Variants in B3GALT1 observed in about 807,000 individuals in gnomAD.
B3GALT1 encodes beta-1,3-galactosyltransferase 1, also known as UDP-Gal:betaGlcNAc beta 1,3-galactosyltransferase, polypeptide 1.
Under a neutral mutation model 23.2 loss-of-function variants are expected in B3GALT1, and 10 were observed. That is an observed-to-expected ratio of 0.43 (90% CI 0.27 to 0.73). The LOEUF is 0.73. Ranked by LOEUF, B3GALT1 falls within the 30% of genes least tolerant of loss-of-function variation. The pLI, the probability that B3GALT1 is intolerant of heterozygous loss-of-function variation, is 0.21. For synonymous variants in B3GALT1, 156 were observed against 141.5 expected (o/e 1.10, Z -0.73); for missense variants, 299 against 405.4 (o/e 0.74, Z 2.25).
chr2:167,711,535 T>C (rs1687048427), intron 3 of B3GALT1, among the ~76,000 whole-genome samples: 1 of 152,240 alleles, frequency 6.6e-6, no homozygotes, highest in South Asian at 2.1e-4. Flanking sequence ...CTAAATGCTA[T>C]TCTGACTTAA....
intron 2 of B3GALT1, among the ~76,000 whole-genome samples, chr2:167,637,712 A>G (rs917853631): frequency 6.6e-6 from 1 of 151,874 alleles, no homozygotes; most frequent in East Asian, 1.9e-4. Flanking sequence ...GCCTTATATG[A>G]TCAATTTTTT....
At chr2:167,349,613 A>G (rs559421720) in intron 1 of B3GALT1, among the ~76,000 whole-genome samples, 96 of 152,242 alleles carry the variant, frequency 6.3e-4, no homozygotes, top group Non-Finnish European at 1.2e-3. Context: ...TTACTGTTGG[A>G]CCTCAGACTG....
chr2:167,396,170 A>G (rs1252817234), intron 1 of B3GALT1, among the ~76,000 whole-genome samples: 1 of 152,170 alleles, frequency 6.6e-6, no homozygotes, highest in Non-Finnish European at 1.5e-5. Flanking sequence ...AATTCCTCTG[A>G]AGAGCTTATA....
intron 2 of B3GALT1, among the ~76,000 whole-genome samples, chr2:167,566,739 C>G (rs1010458820): frequency 6.6e-6 from 1 of 152,054 alleles, no homozygotes; most frequent in Non-Finnish European, 1.5e-5. Context: ...TCTAAAAGAG[C>G]TAATGAAGTG....
At chr2:167,417,715 T>A (rs1698490937) in intron 1 of B3GALT1, among the ~76,000 whole-genome samples, 1 of 152,214 alleles carries the variant, frequency 6.6e-6, no homozygotes, top group South Asian at 2.1e-4. Context: ...GTGAATAGTT[T>A]TATAATTTCA....
At chr2:167,773,743 T>G (rs1028905431) in intron 3 of B3GALT1, among the ~76,000 whole-genome samples, 2 of 152,232 alleles carry the variant, frequency 1.3e-5, no homozygotes, top group Non-Finnish European at 2.9e-5. Flanking sequence ...GGGAGCCACA[T>G]GCAACCACAT....
At chr2:167,489,056 T>C (rs964192308) in intron 1 of B3GALT1, among the ~76,000 whole-genome samples, 11 of 152,120 alleles carry the variant, frequency 7.2e-5, no homozygotes, top group African/African-American at 2.7e-4. Context: ...CTTTTAAGAA[T>C]TCTAAAAATA....
At chr2:167,303,022 T>C (rs959291489) in intron 1 of B3GALT1, among the ~76,000 whole-genome samples, 13 of 152,214 alleles carry the variant, frequency 8.5e-5, no homozygotes, top group Non-Finnish European at 1.9e-4. Context: ...TTGACTGAAC[T>C]CTGCACAGAA....
intron 1 of B3GALT1, among the ~76,000 whole-genome samples, chr2:167,449,773 G>A (rs1397705269): frequency 6.6e-6 from 1 of 152,062 alleles, no homozygotes; most frequent in African/African-American, 2.4e-5. Context: ...TCCCTTCTAT[G>A]CCGATTTTGC....
At chr2:167,549,049 C>T (rs1683700626) in intron 2 of B3GALT1, among the ~76,000 whole-genome samples, 2 of 152,124 alleles carry the variant, frequency 1.3e-5, no homozygotes. Flanking sequence ...AGGTTGTAAT[C>T]TCCTTGAAAC....
chr2:167,821,881 TTTTA>T (rs1689114758), intron 4 of B3GALT1, among the ~76,000 whole-genome samples: 1 of 152,244 alleles, frequency 6.6e-6, no homozygotes, highest in Non-Finnish European at 1.5e-5. Flanking sequence ...TCTTAAGGAT[TTTTA>T]TTTGAGATGA....
chr2:167,834,725 C>T (rs1434727681), intron 4 of B3GALT1, among the ~76,000 whole-genome samples: 3 of 152,052 alleles, frequency 2.0e-5, no homozygotes, highest in African/African-American at 2.4e-5. Context: ...GCCACACACC[C>T]GTAATCCCAG....
chr2:167,873,978 G>A lies in B3GALT1; in HGVS notation c.*3958G>A, dbSNP rs1334169395. The A allele has an allele frequency of 6.6e-6, 1 of 152,180 alleles. No individual in the cohort carries two copies. The highest frequency in any genetic ancestry group is 1.5e-5 in the Non-Finnish European group (1 of 68,028). The allele number at this position is 152,180 out of a possible 1,614,324, so 9.4% of individuals were successfully genotyped here. ...TTATGTACAGGCCCATCTGTCATGA[G>A]GAAGATTATGGTTCCATAAAGCTGA... On this transcript the variant is annotated 3_prime_UTR_variant, in exon 5 of 5. Transcript: ENST00000392690.
At chr2:167,658,457 A>G (rs898703307) in intron 3 of B3GALT1, among the ~76,000 whole-genome samples, 5 of 152,018 alleles carry the variant, frequency 3.3e-5, no homozygotes, top group African/African-American at 9.7e-5. Context: ...ACAACTTTAT[A>G]GAACAACTTC....
intron 1 of B3GALT1, among the ~76,000 whole-genome samples, chr2:167,376,678 G>A (rs555673522): frequency 3.3e-5 from 5 of 152,142 alleles, no homozygotes; most frequent in East Asian, 1.9e-4. Flanking sequence ...TGTGAGATTC[G>A]TTGTAATATC....
intron 2 of B3GALT1, among the ~76,000 whole-genome samples, chr2:167,628,181 A>C (rs894947847): frequency 6.6e-6 from 1 of 151,632 alleles, no homozygotes; most frequent in Non-Finnish European, 1.5e-5. Context: ...AACAGTGTAC[A>C]TTGTGTTTTT....
At chr2:167,488,701 T>C (rs988170614) in intron 1 of B3GALT1, among the ~76,000 whole-genome samples, 1 of 152,206 alleles carries the variant, frequency 6.6e-6, no homozygotes, top group African/African-American at 2.4e-5. Flanking sequence ...CCAATCAAGA[T>C]AGAGAATTTT....
At chr2:167,731,639 G>A (rs1439392490) in intron 3 of B3GALT1, among the ~76,000 whole-genome samples, 7 of 151,980 alleles carry the variant, frequency 4.6e-5, no homozygotes, top group African/African-American at 1.7e-4. Flanking sequence ...TATTTTCTAG[G>A]GCTATTTGAG....
chr2:167,527,043 C>T (rs1430148675), intron 2 of B3GALT1, among the ~76,000 whole-genome samples: 3 of 151,886 alleles, frequency 2.0e-5, no homozygotes, highest in Non-Finnish European at 4.4e-5. Flanking sequence ...AATATATTTC[C>T]TTAATATCTG....
Sources: allele counts gnomAD v4.1 joint callset (sites outside exome capture counted in the v4.1 genomes callset), GRCh38; gene constraint gnomAD v4.1.1; transcripts MANE v1.5; gene names NCBI Gene and HGNC (gene_info 2026-07-23, HGNC 2026-07-21).